The following CTNND2 variants were observed in gnomAD, a reference collection of about 807,000 sequenced individuals.
The protein encoded by CTNND2 is catenin delta 2.
Under a neutral mutation model 144.4 loss-of-function variants are expected in CTNND2, and 22 were observed. That is an observed-to-expected ratio of 0.15 (90% confidence interval 0.11 to 0.22). The LOEUF is 0.22. Among genes scored for constraint, CTNND2 ranks in the 10% least tolerant of loss-of-function variants. The probability of loss-of-function intolerance (pLI) is 1.00; values close to 1 mark genes in which losing one functional copy is unlikely to be tolerated. For missense variants in CTNND2, 1,353 were observed against 1,618.8 expected, an observed-to-expected ratio of 0.84 and a Z score of 2.82; for synonymous variants, 751 against 695.6, an observed-to-expected ratio of 1.08 and a Z score of -1.25.
chr5:11,110,140 A>T (rs1752814413), intron 14 of CTNND2, among the ~76,000 whole-genome samples: 1 of 152,118 alleles, frequency 6.6e-6, no homozygotes, highest in Non-Finnish European at 1.5e-5. Flanking sequence ...TTGGTCTCTC[A>T]TGGGCTCCCC....
chr5:10,975,476 A>G (rs1428175925), intron 21 of CTNND2, among the ~76,000 whole-genome samples: 1 of 152,144 alleles, frequency 6.6e-6, no homozygotes, highest in Non-Finnish European at 1.5e-5. Context: ...CCATCCATCC[A>G]TCCCTCAAGC....
intron 3 of CTNND2, among the ~76,000 whole-genome samples, chr5:11,417,475 A>T (rs1210914343): frequency 1.3e-5 from 2 of 152,238 alleles, no homozygotes; most frequent in Non-Finnish European, 2.9e-5. Context: ...TAAGATAGAG[A>T]TTTAAAATGA....
intron 12 of CTNND2, 72 bp from the exon 13 acceptor site, chr5:11,117,639 C>T (rs1753694727): frequency 8.4e-7 from 1 of 1,191,978 alleles, no homozygotes; most frequent in Non-Finnish European, 1.3e-6. Context: ...TGCCCAGCTG[C>T]TCTCATAGTT....
chr5:11,785,149 C>G (rs1226674196), intron 1 of CTNND2, among the ~76,000 whole-genome samples: 1 of 152,128 alleles, frequency 6.6e-6, no homozygotes, highest in Non-Finnish European at 1.5e-5. Context: ...TTCCTCACAT[C>G]AAAACATAAA....
At chr5:10,997,905 T>G (rs539777040) in intron 18 of CTNND2, among the ~76,000 whole-genome samples, 1 of 152,344 alleles carries the variant, frequency 6.6e-6, no homozygotes, top group South Asian at 2.1e-4. Context: ...GTGGCACAGC[T>G]GTAGGACTGG....
At chr5:11,701,581 T>A (rs1238273290) in intron 2 of CTNND2, among the ~76,000 whole-genome samples, 1 of 152,174 alleles carries the variant, frequency 6.6e-6, no homozygotes, top group African/African-American at 2.4e-5. Flanking sequence ...TGAATATGTA[T>A]GAGGACACAA....
At chr5:11,392,995 C>T (rs1285426474) in intron 6 of CTNND2, among the ~76,000 whole-genome samples, 4 of 152,168 alleles carry the variant, frequency 2.6e-5, no homozygotes, top group Non-Finnish European at 5.9e-5. Context: ...ACTTCCCCTT[C>T]CCCTCAGCCT....
At chr5:11,135,427 A>G (rs560122057) in intron 12 of CTNND2, among the ~76,000 whole-genome samples, 36 of 124,814 alleles carry the variant, frequency 2.9e-4, no homozygotes, top group African/African-American at 1.0e-3. Flanking sequence ...TCAATTAGTA[A>G]AGAAAAAAGT....
intron 3 of CTNND2, among the ~76,000 whole-genome samples, chr5:11,501,364 T>C (rs978742516): frequency 3.3e-5 from 5 of 152,158 alleles, no homozygotes; most frequent in Admixed American, 6.5e-5. Flanking sequence ...AGAATGAGAA[T>C]GACATTCCAG....
chr5:11,456,779 T>C (rs571322732), intron 3 of CTNND2, among the ~76,000 whole-genome samples: 1 of 152,306 alleles, frequency 6.6e-6, no homozygotes, highest in East Asian at 1.9e-4. Context: ...CTGCTAAGTA[T>C]AATTTATTAT....
intron 9 of CTNND2, among the ~76,000 whole-genome samples, chr5:11,312,296 T>C (rs926550651): frequency 7.1e-6 from 1 of 141,076 alleles, no homozygotes; most frequent in Non-Finnish European, 1.5e-5. Context: ...ACATACTCCC[T>C]GTATTAGTCT....
chr5:11,275,698 A>T (rs547777259), intron 9 of CTNND2, among the ~76,000 whole-genome samples: 1 of 152,224 alleles, frequency 6.6e-6, no homozygotes, highest in East Asian at 1.9e-4. Flanking sequence ...TTATTTATAA[A>T]CTCCTACAGC....
chr5:11,622,474 C>G (rs1244127068), intron 2 of CTNND2, among the ~76,000 whole-genome samples: 1 of 152,082 alleles, frequency 6.6e-6, no homozygotes, highest in African/African-American at 2.4e-5. Flanking sequence ...GAGTTCTTAT[C>G]AGAAATGGAC....
At chr5:11,662,184 T>C (rs1159725324) in intron 2 of CTNND2, among the ~76,000 whole-genome samples, 1 of 135,884 alleles carries the variant, frequency 7.4e-6, no homozygotes, top group Non-Finnish European at 1.6e-5. Flanking sequence ...TATACATATA[T>C]GTGTATATAT....
intron 16 of CTNND2, among the ~76,000 whole-genome samples, chr5:11,048,248 G>A (rs1745486795): frequency 6.6e-6 from 1 of 152,052 alleles, no homozygotes; most frequent in African/African-American, 2.4e-5. Context: ...AATAAAACAG[G>A]ACCCCACCCA....
chr5:11,044,395 C>G lies in CTNND2; in HGVS notation c.2789-21416G>C, dbSNP rs375878628. Among the ~76,000 whole-genome samples, 19 of 152,196 alleles carry G rather than the reference C, an allele frequency of 1.2e-4. No homozygotes were observed. The East Asian group carries it at 1.9e-3, about 15-fold the overall frequency. ...CCTCATCAAACCAAACCAAACCATG[C>G]AAATCCATACATCCATCCAGCAAAA... On this transcript the variant is annotated intron_variant, in intron 16 of 21. Coordinates refer to ENST00000304623, the MANE Select transcript of CTNND2 (RefSeq NM_001332.4).
intron 12 of CTNND2, among the ~76,000 whole-genome samples, chr5:11,148,651 T>TCATGGC (rs1561384713): frequency 2.6e-5 from 4 of 152,186 alleles, no homozygotes. Flanking sequence ...TTTGGTGCTG[T>TCATGGC]CTTTCTGGGC....
intron 21 of CTNND2, among the ~76,000 whole-genome samples, chr5:10,978,474 G>T (rs1736781322): frequency 6.7e-6 from 1 of 149,896 alleles, no homozygotes; most frequent in Non-Finnish European, 1.5e-5. Flanking sequence ...GTGTCATTAT[G>T]ATCTCCTTGG....
At chr5:11,465,608 T>C (rs1766601702) in intron 3 of CTNND2, among the ~76,000 whole-genome samples, 1 of 152,198 alleles carries the variant, frequency 6.6e-6, no homozygotes, top group East Asian at 1.9e-4. Flanking sequence ...TGGGTAATTA[T>C]TTCAGCACCA....
Sources: allele counts gnomAD v4.1 joint callset (sites outside exome capture counted in the v4.1 genomes callset), GRCh38; gene constraint gnomAD v4.1.1; transcripts MANE v1.5; gene names NCBI Gene and HGNC (gene_info 2026-07-23, HGNC 2026-07-21).